The following GOLGA4 variants were observed in gnomAD, a reference collection of about 807,000 sequenced individuals.
GOLGA4 encodes golgin A4.
A neutral mutation model predicts 265.9 loss-of-function variants in GOLGA4; 169 were observed. The observed-to-expected ratio is 0.64, with a 90% confidence interval of 0.56 to 0.72. GOLGA4 has a LOEUF of 0.72. Ranked by LOEUF, GOLGA4 falls within the 30% of genes least tolerant of loss-of-function variation. The pLI is 0.00. For missense variants in GOLGA4, 2,482 were observed against 2,483.4 expected (o/e 1.00, Z 0.01); for synonymous variants, 923 against 855.8 (o/e 1.08, Z -1.37).
chr3:37,276,108 C>T (rs2096817481), intron 2 of GOLGA4: 1 of 1,611,096 alleles, frequency 6.2e-7, no homozygotes. Flanking sequence ...ACTTCTGATT[C>T]TGTGCAGTTG....
At chr3:37,295,227 A>AT in intron 6 of GOLGA4, 150 bp downstream of exon 6, 18 of 516,752 alleles carry the variant, frequency 3.5e-5, no homozygotes, top group Middle Eastern at 5.2e-4. Context: ...TTTATTTTTA[A>AT]TTTTTTTTGA....
intron 11 of GOLGA4, among the ~76,000 whole-genome samples, chr3:37,317,029 G>C (rs1038043585): frequency 6.6e-6 from 1 of 152,044 alleles, no homozygotes; most frequent in Non-Finnish European, 1.5e-5. Context: ...ATTGGTAGTT[G>C]ATAATTCATA....
chr3:37,324,880 G>C lies in GOLGA4; in HGVS notation c.2994G>C (p.Gln998His), dbSNP rs2096965402. 6.3e-7 allele frequency: 1 copy of C among 1,599,332 alleles called. No homozygotes were observed. The highest frequency in any genetic ancestry group is 8.5e-7 in the Non-Finnish European group (1 of 1,175,800). ...TALELSQKEK[Q>H]FNAKMLEMAQ... ...TAGAGCTTAGTCAGAAAGAAAAACA[G>C]TTTAATGCCAAAATGCTGGAAATGG... The change falls in exon 14 of 24, where the codon CAG (glutamine) becomes CAC (histidine). Residue 998 changes from glutamine to histidine, a missense_variant. Gln to His is a conservative substitution (Grantham distance 24, BLOSUM62 0). Transcript: ENST00000361924.
intron 23 of GOLGA4, 37 bp from the exon 24 acceptor site, chr3:37,366,043 C>T (rs1032446738): frequency 6.7e-7 from 1 of 1,501,840 alleles, no homozygotes; most frequent in South Asian, 1.3e-5. Flanking sequence ...ATTTTTTTGC[C>T]CCCTTTCTTT....
At position 37,326,404 on chromosome 3, in the gene GOLGA4, G is replaced by T; in HGVS notation, c.4518G>T (p.Lys1506Asn). Residue 1506 changes from lysine to asparagine, a missense_variant, in exon 14 of 24, where the codon AAG becomes AAT. This residue lies in a region of GOLGA4 where 942 missense variants were observed against 983.1 expected (regional missense o/e 0.96). Transcript: ENST00000361924. ...DCLKGEMEDD[K>N]SKMEKKESNL... ...TAAAGGGTGAAATGGAAGACGACAA[G>T]AGCAAGATGGAGAAAAAGGAGTCTA... 1 of 1,613,222 alleles carries T rather than the reference G, an allele frequency of 6.2e-7. No homozygotes were observed. Among genetic ancestry groups the T allele is most frequent in the South Asian group, 1.1e-5 (1 of 90,942 alleles).
intron 2 of GOLGA4, among the ~76,000 whole-genome samples, chr3:37,256,227 ACT>A (rs1407240797): frequency 1.3e-5 from 2 of 152,016 alleles, no homozygotes; most frequent in African/African-American, 4.8e-5. Context: ...TTGATACCAC[ACT>A]GTCTTAATGA....
intron 12 of GOLGA4, chr3:37,319,704 C>T (rs1437075898): frequency 6.6e-6 from 1 of 152,216 alleles, no homozygotes; most frequent in Non-Finnish European, 1.5e-5. Flanking sequence ...AGGCGTAAGC[C>T]ACCGCGCTTG....
At chr3:37,279,988 C>T (rs2096830449) in intron 2 of GOLGA4, among the ~76,000 whole-genome samples, 1 of 151,900 alleles carries the variant, frequency 6.6e-6, no homozygotes, top group South Asian at 2.1e-4. Flanking sequence ...CCCTCAATTG[C>T]TTCCGGTGTT....
chr3:37,349,316 T>C (rs537372819), intron 21 of GOLGA4, among the ~76,000 whole-genome samples: 1 of 152,286 alleles, frequency 6.6e-6, no homozygotes, highest in East Asian at 1.9e-4. Context: ...CAGTAAGTGC[T>C]GTAAGACAGA....
At chr3:37,295,105 A>AT in intron 6 of GOLGA4, 28 bp downstream of exon 6, 3 of 1,318,606 alleles carry the variant, frequency 2.3e-6, no homozygotes, top group Non-Finnish European at 3.2e-6. Context: ...AAAGTGTGGA[A>AT]TTTTTTGGAT....
In GOLGA4 at chr3:37,361,295, G is replaced by A; in HGVS notation, c.*23G>A. On this transcript the variant is annotated 3_prime_UTR_variant, in exon 23 of 24. Transcript: ENST00000361924. ...TGAGTAAACCATCAGTCTGTGCTTA[G>A]TTAACATGTGGTGAGTGAAGAACAA... 1.9e-6 allele frequency: 3 copies of A among 1,610,260 alleles called. No individual in the cohort carries two copies. Among genetic ancestry groups the A allele is most frequent in the Non-Finnish European group, 2.5e-6 (3 of 1,176,676 alleles).
At chr3:37,330,635 T>C (rs2096986809) in intron 16 of GOLGA4, among the ~76,000 whole-genome samples, 1 of 152,158 alleles carries the variant, frequency 6.6e-6, no homozygotes, top group Non-Finnish European at 1.5e-5. Flanking sequence ...CTTTGAGTAG[T>C]ACAGCAAGTG....
rs2096962328 is a variant in GOLGA4, at chr3:37,323,915, GA to G, written c.2033del (p.Lys678SerfsTer4). ...AGAAGAAATGAATGAAAAGACTTTA[GA>G]AAAGCTTGATGTGAAGCAAACAGAA... The part of the protein sequence containing the change: ...HIEEMNEKTL[E>X]KLDVKQTELE... On this transcript the variant is annotated frameshift_variant, in exon 14 of 24. Transcript: ENST00000361924. LOFTEE classifies it high-confidence loss of function. 6.2e-7 allele frequency: 1 copy of G among 1,613,586 alleles called. No individual in the cohort carries two copies.
Position 37,325,452 on chromosome 3 carries a change from A to T in GOLGA4, c.3566A>T (p.Lys1189Ile), listed in dbSNP as rs2096967306. The change falls in exon 14 of 24, where the codon AAA becomes ATA. Residue 1189 changes from lysine (K) to isoleucine (I), a missense_variant. Physicochemically the swap from Lys to Ile is moderately radical, Grantham distance 102. Around this residue, in one of 3 missense-constraint regions of GOLGA4, gnomAD observed 1,536 missense variants for 1,483.7 expected, o/e 1.04. Coordinates refer to ENST00000361924, the MANE Select transcript of GOLGA4 (RefSeq NM_002078.5). ...KTTDEEFQSL[K>I]SSHEKSNKSL... ...ACAGATGAAGAATTCCAGAGTTTGA[A>T]ATCTTCACATGAAAAAAGTAACAAA... is the stretch of plus-strand genomic sequence containing the variant. The T allele has an allele frequency of 6.2e-7, 1 of 1,611,630 alleles. No individual in the cohort carries two copies. Among genetic ancestry groups the T allele is most frequent in the Non-Finnish European group, 8.5e-7 (1 of 1,179,292 alleles).
chr3:37,336,721 A>G, intron 17 of GOLGA4, among the ~76,000 whole-genome samples: 1 of 152,158 alleles, frequency 6.6e-6, no homozygotes, highest in Non-Finnish European at 1.5e-5. Context: ...GTGAGCCGAG[A>G]TCGTGCCATT....
chr3:37,275,754 C>T (rs773128609), intron 2 of GOLGA4: 13 of 1,612,968 alleles, frequency 8.1e-6, no homozygotes, highest in African/African-American at 1.3e-5. Context: ...AAGAAGAACG[C>T]GGCTGGAGCA....
chr3:37,270,260 C>A (rs1460533430), intron 2 of GOLGA4, among the ~76,000 whole-genome samples: 1 of 140,464 alleles, frequency 7.1e-6, no homozygotes, highest in African/African-American at 2.7e-5. Flanking sequence ...GGCTGGAGTG[C>A]AGTGACACCA....
chr3:37,307,370 A>T (rs1324311915), intron 10 of GOLGA4, among the ~76,000 whole-genome samples: 2 of 152,318 alleles, frequency 1.3e-5, no homozygotes, highest in East Asian at 3.8e-4. Flanking sequence ...AATGTGTAAG[A>T]TTTATGCATT....
At chr3:37,263,796 T>C (rs143920306) in intron 2 of GOLGA4, among the ~76,000 whole-genome samples, 77 of 152,336 alleles carry the variant, frequency 5.1e-4, no homozygotes, top group African/African-American at 1.5e-3. Flanking sequence ...CAGACACATA[T>C]AACTTCAGTG....
Sources: gnomAD v4.1 joint callset for allele counts (sites outside exome capture counted in the v4.1 genomes callset) on GRCh38, gnomAD v4.1.1 for gene constraint, gnomAD v4.1.1 regional missense constraint, MANE v1.5 for transcripts, NCBI Gene and HGNC (gene_info 2026-07-23, HGNC 2026-07-21) for gene names.